DDX10: variants seen among roughly 807,000 people sequenced by gnomAD.
DDX10 encodes DEAD-box helicase 10.
A neutral mutation model predicts 104.3 loss-of-function variants in DDX10; 74 were observed. The ratio of observed to expected loss-of-function variants is 0.71; its 90% CI spans 0.59 to 0.86. The LOEUF (loss-of-function observed/expected upper bound fraction) is 0.86, where lower values mean the gene tolerates loss of function less well. Among genes scored for constraint, DDX10 ranks in the 40% least tolerant of loss-of-function variants. The pLI, the probability that DDX10 is intolerant of heterozygous loss-of-function variation, is 0.00. For missense variants in DDX10, 952 were observed against 1,040.0 expected (o/e 0.92, Z 1.16); for synonymous variants, 351 against 353.4 (o/e 0.99, Z 0.08).
At chr11:108,710,545 A>C (rs139452877) in intron 10 of DDX10, among the ~76,000 whole-genome samples, 1 of 152,148 alleles carries the variant, frequency 6.6e-6, no homozygotes, top group Non-Finnish European at 1.5e-5. Flanking sequence ...GAAGGCCTTC[A>C]GGGGCAGTAA....
At chr11:108,891,275 G>T (rs1863372761) in intron 16 of DDX10, among the ~76,000 whole-genome samples, 1 of 152,096 alleles carries the variant, frequency 6.6e-6, no homozygotes, top group African/African-American at 2.4e-5. Flanking sequence ...TCATCATCCT[G>T]CAGTGGTTCC....
chr11:108,824,374 A>G (rs1862367460), intron 13 of DDX10, among the ~76,000 whole-genome samples: 1 of 152,176 alleles, frequency 6.6e-6, no homozygotes, highest in South Asian at 2.1e-4. Flanking sequence ...TGCCTCCCCT[A>G]TGTGATCAGT....
intron 13 of DDX10, among the ~76,000 whole-genome samples, chr11:108,818,794 A>C (rs910492081): frequency 1.3e-5 from 2 of 152,200 alleles, no homozygotes; most frequent in Non-Finnish European, 2.9e-5. Context: ...TTTATGTTCC[A>C]ATGTACCCTT....
intron 3 of DDX10, among the ~76,000 whole-genome samples, chr11:108,676,694 GCCT>G (rs1247509126): frequency 6.6e-6 from 1 of 152,138 alleles, no homozygotes; most frequent in Non-Finnish European, 1.5e-5. Context: ...TGATGCACCC[GCCT>G]CCTCCTCCAA....
chr11:108,693,549 A>G lies in DDX10; in HGVS notation c.1172A>G (p.Asp391Gly), dbSNP rs1346429416. Reference sequence around the variant, plus strand: ...GCCGTGAATTGGGTTCTTCAGTTTGATTGTCCTGAGGATGCCAACACATAT... The same window carrying G: ...GCCGTGAATTGGGTTCTTCAGTTTGGTTGTCCTGAGGATGCCAACACATAT... ...FPAVNWVLQFDCPEDANTYIH... is the reference protein window; with the variant it reads ...FPAVNWVLQFGCPEDANTYIH... Residue 391 changes from aspartate to glycine, a missense_variant, in exon 9 of 18, where the codon GAT (aspartate) becomes GGT (glycine). Asp to Gly is a moderately conservative substitution (Grantham distance 94, BLOSUM62 -1). Transcript: ENST00000322536. The G allele has an allele frequency of 6.2e-7, 1 of 1,614,094 alleles. No homozygotes were observed. Among genetic ancestry groups the G allele is most frequent in the South Asian group, 1.1e-5 (1 of 91,086 alleles).
chr11:108,917,880 A>T lies in DDX10; in HGVS notation c.2312A>T (p.Asp771Val), dbSNP rs758120196. The change falls in exon 17 of 18, where the codon GAT becomes GTT. Residue 771 changes from aspartate to valine, a missense_variant. Physicochemically the swap from Asp to Val is radical, Grantham distance 152. This residue lies in a region of DDX10 where 533 missense variants were observed against 534.1 expected (regional missense o/e 1.00). Coordinates refer to ENST00000322536, the MANE Select transcript of DDX10 (RefSeq NM_004398.4). ...EANKRQAKAK[D>V]EEEAFLDWSD... The stretch of plus-strand genomic sequence containing the variant: ...CTTATTATTATTTTTTAGGCCAAAG[A>T]TGAAGAGGAAGCCTTTCTGGATTGG... 1 of 1,610,678 alleles carries T rather than the reference A, an allele frequency of 6.2e-7. No homozygotes were observed. The highest frequency in any genetic ancestry group is 1.1e-5 in the South Asian group (1 of 90,308).
intron 13 of DDX10, among the ~76,000 whole-genome samples, chr11:108,765,517 G>T (rs2094355437): frequency 6.6e-6 from 1 of 152,122 alleles, no homozygotes; most frequent in African/African-American, 2.4e-5. Flanking sequence ...AATATTTGTA[G>T]CCCTAGTTTC....
intron 16 of DDX10, among the ~76,000 whole-genome samples, chr11:108,861,635 A>G (rs1400803723): frequency 2.6e-5 from 4 of 152,184 alleles, no homozygotes; most frequent in African/African-American, 9.7e-5. Flanking sequence ...TGAGGAAAAA[A>G]GGGAGTCATT....
At chr11:108,804,571 T>A (rs1365929325) in intron 13 of DDX10, among the ~76,000 whole-genome samples, 1 of 151,308 alleles carries the variant, frequency 6.6e-6, no homozygotes, top group Non-Finnish European at 1.5e-5. Context: ...GTGTTTATTA[T>A]CTCTTGTTTT....
At chr11:108,773,126 G>A (rs34805458) in intron 13 of DDX10, among the ~76,000 whole-genome samples, 20,731 of 152,174 alleles carry the variant, frequency 0.14, 1,553 homozygotes, top group East Asian at 0.25. Context: ...ATAAAATGTA[G>A]CAGAGTTCCT....
At chr11:108,860,720 A>G (rs1400619068) in intron 16 of DDX10, 1 of 151,950 alleles carries the variant, frequency 6.6e-6, no homozygotes, top group Non-Finnish European at 1.5e-5. Flanking sequence ...TAATTTTTCT[A>G]TTTTTAGTAG....
In DDX10 at chr11:108,800,442, CAAAAAAAAA is replaced by C. The variant is rs61200843; in HGVS notation, c.1966-37992_1966-37984del. ...CCTGGGCGACAGAGCGAGACTCTTT[CAAAAAAAAA>C]AAAAAAAAAAAGAACATCTTAACAT... is the stretch of plus-strand genomic sequence containing the variant. On this transcript the variant is annotated intron_variant, in intron 13 of 17. Transcript: ENST00000322536. 4.1e-4 allele frequency among the ~76,000 whole-genome samples: 39 copies of C among 94,412 alleles called. 1 individual carries two copies. Among genetic ancestry groups the C allele is most frequent in the South Asian group, 1.3e-3 (3 of 2,234 alleles). The allele number at this position is 94,412 out of a possible 152,430, so 61.9% of individuals were successfully genotyped here.
At chr11:108,692,283 A>G (rs1273804523) in intron 8 of DDX10, among the ~76,000 whole-genome samples, 1 of 152,198 alleles carries the variant, frequency 6.6e-6, no homozygotes, top group Non-Finnish European at 1.5e-5. Context: ...TGAGGAACCT[A>G]CAAAATCAAA....
At chr11:108,870,871 T>A (rs1214585678) in intron 16 of DDX10, among the ~76,000 whole-genome samples, 1 of 152,212 alleles carries the variant, frequency 6.6e-6, no homozygotes, top group Non-Finnish European at 1.5e-5. Flanking sequence ...TACTGAGTAT[T>A]TATCGAGTGA....
At chr11:108,799,834 T>C (rs572453423) in intron 13 of DDX10, among the ~76,000 whole-genome samples, 1 of 152,322 alleles carries the variant, frequency 6.6e-6, no homozygotes, top group East Asian at 1.9e-4. Context: ...AGAGTTGATG[T>C]TCAGTAAATC....
intron 13 of DDX10, among the ~76,000 whole-genome samples, chr11:108,760,699 G>T (rs1323321159): frequency 6.8e-6 from 1 of 147,102 alleles, no homozygotes; most frequent in Non-Finnish European, 1.5e-5. Context: ...TTTTAAATTG[G>T]ACTTCAGGGC....
In DDX10 at chr11:108,798,458, C is replaced by T. The variant is rs538323076; in HGVS notation, c.1966-39988C>T. ...GTAACTCTGTAATTCCTGGTTTTCT[C>T]CTCCCATCAGTCCTTGGCAGCCACC... On this transcript the variant is annotated intron_variant, in intron 13 of 17. Coordinates refer to ENST00000322536, the MANE Select transcript of DDX10 (RefSeq NM_004398.4). Among the ~76,000 whole-genome samples, 22 of 152,276 alleles carry T rather than the reference C, an allele frequency of 1.4e-4. 1 individual carries two copies. The highest frequency in any genetic ancestry group is 1.3e-3 in the Admixed American group (20 of 15,302).
At chr11:108,836,497 T>C (rs1439143353) in intron 13 of DDX10, among the ~76,000 whole-genome samples, 1 of 152,198 alleles carries the variant, frequency 6.6e-6, no homozygotes, top group Non-Finnish European at 1.5e-5. Flanking sequence ...TTTGCTTATT[T>C]ATTTATTGAG....
At chr11:108,783,053 C>T (rs533045471) in intron 13 of DDX10, among the ~76,000 whole-genome samples, 82 of 152,268 alleles carry the variant, frequency 5.4e-4, no homozygotes, top group African/African-American at 1.7e-3. Flanking sequence ...GATTATTCAT[C>T]GCCTCTTTGA....
Sources: gnomAD v4.1 joint callset for allele counts (sites outside exome capture counted in the v4.1 genomes callset) on GRCh38, gnomAD v4.1.1 for gene constraint, gnomAD v4.1.1 regional missense constraint, MANE v1.5 for transcripts, NCBI Gene and HGNC (gene_info 2026-07-23, HGNC 2026-07-21) for gene names.